The following GALNT13 variants were observed in gnomAD, a reference collection of about 807,000 sequenced individuals.
GALNT13 encodes the protein UDP-GalNAc:polypeptide N-acetylgalactosaminyltransferase 13.
GALNT13 carries 28 observed loss-of-function variants against 64.2 expected under a neutral mutation model. That is an observed-to-expected ratio of 0.44 (90% CI 0.32 to 0.60). The LOEUF is 0.60. Ranked by LOEUF, GALNT13 falls within the 20% of genes least tolerant of loss-of-function variation. The pLI is 0.05. For missense variants in GALNT13, 577 were observed against 669.8 expected, an observed-to-expected ratio of 0.86 and a Z score of 1.53; for synonymous variants, 214 against 224.6, an observed-to-expected ratio of 0.95 and a Z score of 0.42.
chr2:153,325,555 C>T, the GALNT13 span, among the ~76,000 whole-genome samples: 80 of 152,238 alleles, frequency 5.3e-4, 1 homozygote, highest in South Asian at 0.016. Context: ...AATTCGTTTG[C>T]ACTTGCTTTT....
At chr2:154,040,285 G>T (rs1256681000) in intron 3 of GALNT13, among the ~76,000 whole-genome samples, 1 of 140,892 alleles carries the variant, frequency 7.1e-6, no homozygotes, top group African/African-American at 2.4e-5. Context: ...GAAGGTCATT[G>T]TGAGTTCTTT....
intron 3 of GALNT13, among the ~76,000 whole-genome samples, chr2:154,039,993 C>T (rs2105325075): frequency 7.1e-6 from 1 of 140,810 alleles, no homozygotes; most frequent in South Asian, 2.3e-4. Flanking sequence ...CTTATGTTGA[C>T]AAACTGTGTT....
chr2:153,507,834 G>A, the GALNT13 span, among the ~76,000 whole-genome samples: 3 of 152,162 alleles, frequency 2.0e-5, no homozygotes, highest in African/African-American at 4.8e-5. Context: ...AAGAGCTGCC[G>A]TTTAGATTAT....
At chr2:153,345,687 CTTTCTTTCTT>C in the GALNT13 span, among the ~76,000 whole-genome samples, 2 of 133,620 alleles carry the variant, frequency 1.5e-5, no homozygotes, top group African/African-American at 2.8e-5. Context: ...TTCTTTCTTT[CTTTCTTTCTT>C]TCTTTCTCTT....
chr2:154,251,615 G>C (rs1205371167), intron 7 of GALNT13, among the ~76,000 whole-genome samples: 1 of 152,142 alleles, frequency 6.6e-6, no homozygotes, highest in Non-Finnish European at 1.5e-5. Context: ...AAGTCTTAAA[G>C]TAACAATTTC....
At chr2:153,891,352 T>C (rs1021297865) in intron 1 of GALNT13, among the ~76,000 whole-genome samples, 3 of 152,002 alleles carry the variant, frequency 2.0e-5, no homozygotes, top group African/African-American at 7.2e-5. Flanking sequence ...AAGAATGTCT[T>C]CCATGTGACT....
the GALNT13 span, among the ~76,000 whole-genome samples, chr2:153,786,302 A>T: frequency 6.6e-6 from 1 of 152,064 alleles, no homozygotes; most frequent in East Asian, 1.9e-4. Context: ...CAAAGTGCGT[A>T]GTCACTACGC....
the GALNT13 span, among the ~76,000 whole-genome samples, chr2:153,596,328 G>A: frequency 6.6e-6 from 1 of 152,106 alleles, no homozygotes; most frequent in East Asian, 1.9e-4. Context: ...AGGAAGTGGA[G>A]ACAAAAACTC....
the GALNT13 span, among the ~76,000 whole-genome samples, chr2:153,266,373 G>A: frequency 2.0e-5 from 3 of 152,150 alleles, no homozygotes; most frequent in Non-Finnish European, 2.9e-5. Flanking sequence ...AACTCTAAAT[G>A]TAAATTCGTG....
intron 9 of GALNT13, among the ~76,000 whole-genome samples, chr2:154,347,926 C>G (rs1696163779): frequency 1.3e-5 from 2 of 152,150 alleles, no homozygotes; most frequent in African/African-American, 4.8e-5. Context: ...CTTCCCTGGA[C>G]TGTGATATTT....
chr2:153,565,414 G>A, the GALNT13 span, among the ~76,000 whole-genome samples: 1 of 152,190 alleles, frequency 6.6e-6, no homozygotes, highest in African/African-American at 2.4e-5. Context: ...AATCTTGTGT[G>A]TAATATCTTT....
At chr2:153,883,776 G>A (rs985003503) in intron 1 of GALNT13, among the ~76,000 whole-genome samples, 3 of 151,926 alleles carry the variant, frequency 2.0e-5, no homozygotes, top group Non-Finnish European at 4.4e-5. Context: ...GAAATGTCAG[G>A]TAAAACAAAA....
the GALNT13 span, among the ~76,000 whole-genome samples, chr2:153,809,385 C>T: frequency 1.3e-5 from 2 of 152,108 alleles, no homozygotes; most frequent in Non-Finnish European, 2.9e-5. Context: ...AATATTACAG[C>T]TCTGGGTGGC....
chr2:154,078,600 C>T (rs546802697), intron 3 of GALNT13, among the ~76,000 whole-genome samples: 11 of 151,598 alleles, frequency 7.3e-5, no homozygotes, highest in Admixed American at 4.0e-4. Context: ...GTTTTGCCCA[C>T]GCTTATTTAA....
At chr2:153,272,570 C>T in the GALNT13 span, among the ~76,000 whole-genome samples, 1 of 152,198 alleles carries the variant, frequency 6.6e-6, no homozygotes. Flanking sequence ...GATATACCAT[C>T]TCACACCAGT....
At chr2:154,399,073 A>C (rs116683102) in intron 10 of GALNT13, among the ~76,000 whole-genome samples, 1 of 152,302 alleles carries the variant, frequency 6.6e-6, no homozygotes, top group African/African-American at 2.4e-5. Flanking sequence ...TAGAAGGAGA[A>C]ATAGATGATT....
At chr2:154,076,545 T>C (rs1700997430) in intron 3 of GALNT13, among the ~76,000 whole-genome samples, 1 of 151,688 alleles carries the variant, frequency 6.6e-6, no homozygotes, top group South Asian at 2.1e-4. Context: ...AGGAGTGTGC[T>C]CTGGTCCAAT....
the GALNT13 span, among the ~76,000 whole-genome samples, chr2:153,441,971 C>T: frequency 0.016 from 2,441 of 152,204 alleles, 57 homozygotes; most frequent in African/African-American, 0.055. Context: ...CTGGTCAGAA[C>T]CTCCAATACT....
intron 1 of GALNT13, among the ~76,000 whole-genome samples, chr2:153,874,777 C>G (rs1686242629): frequency 6.6e-6 from 1 of 151,988 alleles, no homozygotes. Flanking sequence ...AAACAGGGGT[C>G]TTCTGCTTCT....
Sources: allele counts gnomAD v4.1 joint callset (sites outside exome capture counted in the v4.1 genomes callset), GRCh38; gene constraint gnomAD v4.1.1; transcripts MANE v1.5; gene names NCBI Gene and HGNC (gene_info 2026-07-23, HGNC 2026-07-21).